The following PARP2 variants were observed in gnomAD, a reference collection of about 807,000 sequenced individuals.
PARP2 encodes the protein poly [ADP-ribose] polymerase 2.
A neutral mutation model predicts 77.8 loss-of-function variants in PARP2; 57 were observed. The ratio of observed to expected loss-of-function variants is 0.73; its 90% CI spans 0.59 to 0.91. The LOEUF (loss-of-function observed/expected upper bound fraction) is 0.91. PARP2 is among the 40% of genes least tolerant of loss of function. The pLI, the probability that PARP2 is intolerant of heterozygous loss-of-function variation, is 0.00. For synonymous variants in PARP2, 226 were observed against 242.6 expected (o/e 0.93, Z 0.64); for missense variants, 651 against 689.0 (o/e 0.94, Z 0.62).
At chr14:20,354,469 G>T (rs1365939295) in intron 8 of PARP2, among the ~76,000 whole-genome samples, 4 of 152,228 alleles carry the variant, frequency 2.6e-5, no homozygotes, top group Non-Finnish European at 5.9e-5. Context: ...GGCCAAGGCA[G>T]GTGGATTGCT....
chr14:20,355,574 ATAT>A (rs1884114436), intron 9 of PARP2, 175 bp from the exon 10 acceptor site: 1 of 483,206 alleles, frequency 2.1e-6, no homozygotes, highest in African/African-American at 1.9e-5. Context: ...TATATATTTA[ATAT>A]TATTTTATAT....
intron 4 of PARP2, among the ~76,000 whole-genome samples, chr14:20,349,363 T>A (rs553217662): frequency 6.6e-5 from 10 of 151,418 alleles, no homozygotes; most frequent in South Asian, 2.1e-4. Flanking sequence ...TACAAAAAAA[T>A]TTTTTAAAGG....
intron 2 of PARP2, 105 bp from the exon 3 acceptor site, chr14:20,345,289 G>A (rs751641303): frequency 2.4e-5 from 27 of 1,139,634 alleles, no homozygotes; most frequent in Non-Finnish European, 3.5e-5. Context: ...TCTAAGGAAA[G>A]ACCAGGATTG....
chr14:20,355,058 C>CGGCCGGGCGCGG, intron 9 of PARP2, 111 bp downstream of exon 9: 1 of 1,028,738 alleles, frequency 9.7e-7, no homozygotes, highest in Non-Finnish European at 1.4e-6. Flanking sequence ...AAATGATCGT[C>CGGCCGGGCGCGG]TTGAATAGGT....
In PARP2 at chr14:20,354,060, G is replaced by C. The variant is rs1713412; in HGVS notation, c.601-25G>C. 1.3e-3 allele frequency: 2,008 copies of C among 1,578,074 alleles called. 19 individuals carry two copies. The African/African-American group carries it at 0.022, about 18-fold the overall frequency. On this transcript the variant is annotated intron_variant, in intron 7 of 15. Coordinates refer to ENST00000429687, the MANE Select transcript of PARP2 (RefSeq NM_001042618.2). ...TAGAGATGATTTCTTAGATTGTCTT[G>C]TGTTTTGTTTGTTTTTTGCTATAGG... is the stretch of plus-strand genomic sequence containing the variant.
intron 3 of PARP2, chr14:20,346,629 C>T (rs1883729676): frequency 4.9e-6 from 2 of 405,018 alleles, no homozygotes; most frequent in African/African-American, 2.0e-5. Context: ...CCACCATGCG[C>T]AGCCTAACTC....
chr14:20,355,245 T>C (rs181336556), intron 9 of PARP2: 2 of 255,216 alleles, frequency 7.8e-6, no homozygotes, highest in African/African-American at 4.4e-5. Flanking sequence ...TCACCCCCTT[T>C]TCCTATTTGA....
chr14:20,344,891 C>T (rs774269777), intron 1 of PARP2, 41 bp from the exon 2 acceptor site: 12 of 1,154,906 alleles, frequency 1.0e-5, no homozygotes, highest in African/African-American at 3.1e-5. Flanking sequence ...TACACGTATT[C>T]GGGTGTGTAC....
At chr14:20,349,835 C>T (rs1046950298) in intron 4 of PARP2, among the ~76,000 whole-genome samples, 1 of 152,214 alleles carries the variant, frequency 6.6e-6, no homozygotes. Flanking sequence ...CCTCCATATC[C>T]AGGGCTCGGC....
Position 20,343,667 on chromosome 14 carries a change from C to G in PARP2, c.26C>G (p.Thr9Ser), listed in dbSNP as rs777650803. MAARRRRS[T>S]GGGRARALNE... ...ATGGCGGCGCGGCGGCGACGGAGCA[C>G]CGGCGGCGGCAGGGCGAGAGGTTCG... Residue 9 changes from threonine (T) to serine (S), a missense_variant, in exon 1 of 16, where the codon ACC becomes AGC. Transcript: ENST00000429687. 1 of 1,610,324 alleles carries G rather than the reference C, an allele frequency of 6.2e-7. No individual in the cohort carries two copies. The highest frequency in any genetic ancestry group is 1.3e-5 in the African/African-American group (1 of 75,022).
At chr14:20,356,762 A>G in intron 13 of PARP2, 73 bp downstream of exon 13, 1 of 1,193,808 alleles carries the variant, frequency 8.4e-7, no homozygotes, top group Non-Finnish European at 1.3e-6. Flanking sequence ...TTTTTTTCCT[A>G]GATTAGGATT....
At position 20,348,758 on chromosome 14, in the gene PARP2, G is replaced by A. The variant is rs559687850; in HGVS notation, c.325-1768G>A. Among the ~76,000 whole-genome samples, 5 of 152,250 alleles carry A rather than the reference G, an allele frequency of 3.3e-5. No individual in the cohort carries two copies. In the East Asian group the frequency reaches 7.7e-4, roughly 24 times the overall value. ...AGGTTAGCCAGGTGCAGTGGCTCACGCCTGTAATCCCAGCACTTTGGGAGG... is the reference window on the plus strand; with the variant it reads ...AGGTTAGCCAGGTGCAGTGGCTCACACCTGTAATCCCAGCACTTTGGGAGG... On this transcript the variant is annotated intron_variant, in intron 4 of 15. Transcript: ENST00000429687.
At chr14:20,348,708 C>A (rs941187034) in intron 4 of PARP2, among the ~76,000 whole-genome samples, 1 of 152,288 alleles carries the variant, frequency 6.6e-6, no homozygotes, top group South Asian at 2.1e-4. Flanking sequence ...ACTTAAAATA[C>A]CACGAGCAGA....
intron 4 of PARP2, 84 bp downstream of exon 4, chr14:20,346,997 ATCTT>A: frequency 1.2e-6 from 1 of 807,726 alleles, no homozygotes; most frequent in Non-Finnish European, 2.0e-6. Flanking sequence ...CAGTGTTCAG[ATCTT>A]TAAAGTCCCT....
chr14:20,347,379 TATATATATATATATATATA>T (rs1412900406), intron 4 of PARP2, among the ~76,000 whole-genome samples: 13 of 19,300 alleles, frequency 6.7e-4, no homozygotes, highest in African/African-American at 9.3e-4. Context: ...TATATATATA[TATATATATATATATATATA>T]TTTTTTTTTT....
intron 1 of PARP2, 104 bp downstream of exon 1, chr14:20,343,791 G>T (rs921622759): frequency 1.6e-6 from 2 of 1,246,186 alleles, no homozygotes; most frequent in Admixed American, 4.6e-5. Context: ...CCTATAACCT[G>T]CACTTGGCTA....
Position 20,356,743 on chromosome 14 carries a change from T to C in PARP2, c.1329+54T>C, listed in dbSNP as rs142478884. The stretch of plus-strand genomic sequence containing the variant: ...ACAGGGGAAAGGGATACAGTAATGT[T>C]CTCAGTGCTTTTTTTCCTAGATTAG... On this transcript the variant is annotated intron_variant, in intron 13 of 15. Coordinates refer to ENST00000429687, the MANE Select transcript of PARP2 (RefSeq NM_001042618.2). 7.8e-4 allele frequency: 1,040 copies of C among 1,338,824 alleles called. 14 individuals carry two copies. The East Asian group carries it at 0.018, about 24-fold the overall frequency. The allele number at this position is 1,338,824 out of a possible 1,614,324, so 82.9% of individuals were successfully genotyped here. A position where few individuals can be genotyped will look rare whatever the true frequency, so the allele number is the denominator to read the frequency against.
intron 13 of PARP2, 38 bp from the exon 14 acceptor site, chr14:20,357,013 G>A: frequency 7.7e-7 from 1 of 1,299,146 alleles, no homozygotes; most frequent in Non-Finnish European, 1.1e-6. Context: ...AACACAGTGG[G>A]TTAGAAGCTG....
At chr14:20,346,999 C>CT (rs1411370106) in intron 4 of PARP2, 86 bp downstream of exon 4, 15 of 694,276 alleles carry the variant, frequency 2.2e-5, no homozygotes, top group Non-Finnish European at 3.1e-5. Context: ...GTGTTCAGAT[C>CT]TTTAAAGTCC....
Sources: allele counts gnomAD v4.1 joint callset (sites outside exome capture counted in the v4.1 genomes callset), GRCh38; gene constraint gnomAD v4.1.1; transcripts MANE v1.5; gene names NCBI Gene and HGNC (gene_info 2026-07-23, HGNC 2026-07-21).